The following GPHN variants were observed in gnomAD, a reference collection of about 807,000 sequenced individuals.
GPHN encodes gephyrin.
Under a neutral mutation model 95.5 loss-of-function variants are expected in GPHN, and 17 were observed. The observed-to-expected ratio is 0.18, with a 90% CI of 0.12 to 0.27. The LOEUF (loss-of-function observed/expected upper bound fraction) is 0.27, where lower values mean the gene tolerates loss of function less well. Ranked by LOEUF, GPHN falls within the 10% of genes least tolerant of loss-of-function variation. The probability of loss-of-function intolerance (pLI) is 1.00; values close to 1 mark genes in which losing one functional copy is unlikely to be tolerated. For synonymous variants in GPHN, 320 were observed against 322.5 expected (o/e 0.99, Z 0.08); for missense variants, 660 against 978.1 (o/e 0.67, Z 4.34).
At chr14:67,186,425 T>C (rs2083368840), downstream of GPHN, among the ~76,000 whole-genome samples, 1 of 152,108 alleles carries the variant, frequency 6.6e-6, no homozygotes. Context: ...AGGAATATGT[T>C]AAATAGGTGT....
chr14:66,867,626 T>C (rs773378479), intron 4 of GPHN, among the ~76,000 whole-genome samples: 14 of 151,966 alleles, frequency 9.2e-5, no homozygotes, highest in Non-Finnish European at 1.5e-4. Context: ...TTTTTAAAAA[T>C]GTAAAATGAA....
the GPHN span, among the ~76,000 whole-genome samples, chr14:67,646,012 G>A: frequency 3.9e-5 from 6 of 152,158 alleles, no homozygotes; most frequent in African/African-American, 1.2e-4. Flanking sequence ...AAGCAAGGAG[G>A]GGGTAGTAAC....
At chr14:67,659,704 AAAAC>A in the GPHN span, 15 of 1,568,912 alleles carry the variant, frequency 9.6e-6, no homozygotes, top group South Asian at 1.7e-4. Context: ...AAGGAAAAAA[AAAAC>A]AAACAAAACA....
At chr14:67,284,442 A>AAAAAAAAAAAAAAAC in the GPHN span, among the ~76,000 whole-genome samples, 72 of 142,868 alleles carry the variant, frequency 5.0e-4, 5 homozygotes, top group African/African-American at 1.6e-3. Flanking sequence ...AAAAAAAAAA[A>AAAAAAAAAAAAAAAC]AACAGCTGGG....
At chr14:67,404,678 C>T in the GPHN span, among the ~76,000 whole-genome samples, 22 of 151,942 alleles carry the variant, frequency 1.4e-4, no homozygotes, top group South Asian at 4.2e-3. Context: ...GGTGTGGTGA[C>T]ATGCACCTGT....
chr14:66,956,340 A>G (rs1465225986), intron 8 of GPHN, among the ~76,000 whole-genome samples: 1 of 151,828 alleles, frequency 6.6e-6, no homozygotes, highest in Non-Finnish European at 1.5e-5. Context: ...CTCTTTCACC[A>G]TTGGTTATTT....
chr14:67,327,761 T>C, the GPHN span, among the ~76,000 whole-genome samples: 3 of 152,188 alleles, frequency 2.0e-5, no homozygotes, highest in Admixed American at 1.3e-4. Flanking sequence ...GTCCTTGTGA[T>C]AGTTTTCTCA....
the GPHN span, among the ~76,000 whole-genome samples, chr14:67,306,440 GT>G: frequency 6.6e-6 from 1 of 151,998 alleles, no homozygotes; most frequent in Non-Finnish European, 1.5e-5. Context: ...TGCCTCCTGT[GT>G]TCAAGCATTC....
At chr14:66,877,415 G>A (rs550542303) in intron 4 of GPHN, among the ~76,000 whole-genome samples, 1 of 152,088 alleles carries the variant, frequency 6.6e-6, no homozygotes, top group African/African-American at 2.4e-5. Context: ...AGAAATAAAG[G>A]GTATTCAAAT....
At chr14:67,100,766 G>T (rs763985621) in intron 12 of GPHN, 90 bp from the exon 13 acceptor site, 1 of 838,616 alleles carries the variant, frequency 1.2e-6, no homozygotes, top group South Asian at 1.4e-5. Context: ...CAAATAATTT[G>T]AGTCAAATTT....
At chr14:67,366,866 T>G in the GPHN span, among the ~76,000 whole-genome samples, 1 of 139,178 alleles carries the variant, frequency 7.2e-6, no homozygotes, top group Admixed American at 7.5e-5. Context: ...TTACACCTTT[T>G]TTTTTGACCT....
chr14:67,404,906 G>A, the GPHN span, among the ~76,000 whole-genome samples: 10 of 151,962 alleles, frequency 6.6e-5, no homozygotes, highest in African/African-American at 2.2e-4. Context: ...TGTAAACAAT[G>A]GTCACCTCTA....
At chr14:67,654,220 CAT>C in the GPHN span, among the ~76,000 whole-genome samples, 2 of 152,224 alleles carry the variant, frequency 1.3e-5, no homozygotes, top group South Asian at 2.1e-4. Context: ...AATAACCCCA[CAT>C]GTCCCCAAGT....
chr14:67,301,865 C>T, the GPHN span: 20 of 1,219,344 alleles, frequency 1.6e-5, no homozygotes, highest in Non-Finnish European at 2.0e-5. Context: ...TTAATTATAA[C>T]ACTTTTAAAG....
chr14:67,226,165 A>C, the GPHN span, among the ~76,000 whole-genome samples: 1 of 152,076 alleles, frequency 6.6e-6, no homozygotes, highest in Admixed American at 6.6e-5. Flanking sequence ...GCACTTGAGC[A>C]TTTTGTTTAT....
chr14:67,437,014 C>T, the GPHN span, among the ~76,000 whole-genome samples: 6 of 152,198 alleles, frequency 3.9e-5, no homozygotes, highest in Non-Finnish European at 1.5e-5. Context: ...CATGATTGCA[C>T]CACTGCACTC....
intron 9 of GPHN, among the ~76,000 whole-genome samples, chr14:67,015,033 A>T (rs1261571706): frequency 6.6e-6 from 1 of 152,242 alleles, no homozygotes; most frequent in Non-Finnish European, 1.5e-5. Flanking sequence ...AGTCATGGTG[A>T]TAACCAGTTC....
At chr14:67,429,503 C>T in the GPHN span, among the ~76,000 whole-genome samples, 5 of 149,474 alleles carry the variant, frequency 3.3e-5, no homozygotes, top group Non-Finnish European at 7.4e-5. Flanking sequence ...TGGCTCATGG[C>T]CACAGGTGGA....
chr14:66,981,175 T>C (rs950184938), intron 9 of GPHN, among the ~76,000 whole-genome samples: 1 of 152,352 alleles, frequency 6.6e-6, no homozygotes, highest in Non-Finnish European at 1.5e-5. Flanking sequence ...TGACCTTTTT[T>C]ATCCTTTTAT....
Sources: gnomAD v4.1 joint callset for allele counts (sites outside exome capture counted in the v4.1 genomes callset) on GRCh38, gnomAD v4.1.1 for gene constraint, MANE v1.5 for transcripts, NCBI Gene and HGNC (gene_info 2026-07-23, HGNC 2026-07-21) for gene names.